The following CDK11A variants were observed in gnomAD, a reference collection of about 807,000 sequenced individuals.
CDK11A encodes the protein cyclin-dependent kinase 11A.
CDK11A carries 55 observed loss-of-function variants against 83.6 expected under a neutral mutation model. That is an observed-to-expected ratio of 0.66 (90% CI 0.53 to 0.82). The LOEUF (loss-of-function observed/expected upper bound fraction) is 0.82. CDK11A is among the 40% of genes least tolerant of loss of function. CDK11A has a pLI of 0.00. For missense variants in CDK11A, 564 were observed against 810.1 expected (o/e 0.70, Z 3.69); for synonymous variants, 247 against 302.7 (o/e 0.82, Z 1.91).
intron 5 of CDK11A, among the ~76,000 whole-genome samples, chr1:1,713,308 C>G (rs574009986): frequency 2.1e-5 from 1 of 48,624 alleles, no homozygotes; most frequent in African/African-American, 3.8e-5. Flanking sequence ...CTCTAGCAGA[C>G]AGCATACAGT....
Position 1,719,453 on chromosome 1 carries a change from C to A in CDK11A, c.230G>T (p.Gly77Val), listed in dbSNP as rs747870830. Residue 77 changes from glycine (G) to valine (V), a missense_variant and splice_region_variant, in exon 4 of 20, where the codon GGA becomes GTA. By Grantham distance (109) the Gly-to-Val change is moderately radical (BLOSUM62 -3). Transcript: ENST00000404249. Reference sequence around the variant, plus strand: ...GATGGCCAAAGAATCATCTTCTTCTCCTCTGAAATAAAACACAACAGCACT... The same window carrying A: ...GATGGCCAAAGAATCATCTTCTTCTACTCTGAAATAAAACACAACAGCACT... ...YRREDSMEDR[G>V]EEDDSLAIKP... 3 of 1,495,650 alleles carry A rather than the reference C, an allele frequency of 2.0e-6. No homozygotes were observed. The highest frequency in any genetic ancestry group is 2.8e-5 in the South Asian group (2 of 72,028). The allele number at this position is 1,495,650 out of a possible 1,614,324, so 92.6% of individuals were successfully genotyped here. A position where few individuals can be genotyped will look rare whatever the true frequency, so the allele number is the denominator to read the frequency against.
rs749896902 is a variant in CDK11A, at chr1:1,707,568, G to A, written c.1086C>T (p.Phe362=). ...NHLLVVPESR[F]DRDSGESEEA... ...CTTCACTCTCCCCGGAATCTCGGTC[G>A]AACCGTGACTCTGGAACTGGAAAAG... The change falls in exon 11 of 20, where the codon TTC becomes TTT. Residue 362 remains phenylalanine, a synonymous_variant. Transcript: ENST00000404249. The A allele has an allele frequency of 4.0e-5, 63 of 1,578,338 alleles. 2 individuals are homozygous for A. Among genetic ancestry groups the A allele is most frequent in the African/African-American group, 4.5e-5 (3 of 67,076 alleles).
intron 2 of CDK11A, chr1:1,722,457 T>A: frequency 1.4e-6 from 1 of 696,212 alleles, no homozygotes; most frequent in Non-Finnish European, 2.4e-6. Flanking sequence ...CGAGAAAAAT[T>A]AGTCCAGTTT....
chr1:1,703,685 C>T, intron 17 of CDK11A, 61 bp from the exon 18 acceptor site: 3 of 1,544,484 alleles, frequency 1.9e-6, no homozygotes, highest in South Asian at 1.2e-5. Context: ...GCACCTGTGT[C>T]CCGTCAGAGA....
chr1:1,718,759 C>CCCGAG (rs1470148510), intron 4 of CDK11A, among the ~76,000 whole-genome samples: 1 of 150,382 alleles, frequency 6.6e-6, no homozygotes, highest in African/African-American at 2.4e-5. Flanking sequence ...GCCTCAGCCT[C>CCCGAG]CAGAGCAGCT....
chr1:1,724,312 C>G lies in CDK11A; in HGVS notation c.-68G>C, dbSNP rs1329298818. ...CTGAGAAGAAACAGCAACCGGCGCT[C>G]GCCAGAAGTATCCTCACTTCCTGTG... On this transcript the variant is annotated 5_prime_UTR_variant, in exon 1 of 20. Transcript: ENST00000404249. 1 of 151,596 alleles carries G rather than the reference C, an allele frequency of 6.6e-6. No homozygotes were observed. The highest frequency in any genetic ancestry group is 2.4e-5 in the African/African-American group (1 of 41,266). The allele number at this position is 151,596 out of a possible 1,614,324, so 9.4% of individuals were successfully genotyped here.
chr1:1,706,211 T>C lies in CDK11A; in HGVS notation c.1246-479A>G, dbSNP rs1644304195. Among the ~76,000 whole-genome samples the C allele has an allele frequency of 2.7e-5, 4 of 149,878 alleles. No individual in the cohort carries two copies. The Admixed American group carries it at 2.7e-4, about 10-fold the overall frequency. ...CCTCAGCCTCCCTAGTAGCTGGGAG[T>C]ATAGGTACGCACCACCACGCCAGGC... On this transcript the variant is annotated intron_variant, in intron 11 of 19. Coordinates refer to ENST00000404249, the MANE Select transcript of CDK11A (RefSeq NM_024011.4).
At chr1:1,721,563 A>C (rs1384872433) in intron 3 of CDK11A, 33 bp downstream of exon 3, 1 of 1,595,288 alleles carries the variant, frequency 6.3e-7, no homozygotes. Flanking sequence ...GGCTGTGTAC[A>C]GTTGGGTCTT....
intron 11 of CDK11A, among the ~76,000 whole-genome samples, chr1:1,706,397 A>T (rs1457758675): frequency 1.3e-5 from 2 of 151,374 alleles, no homozygotes; most frequent in Non-Finnish European, 3.0e-5. Context: ...CAAAATAAAA[A>T]AATTAGCCAG....
chr1:1,718,152 T>C (rs1644750179), intron 4 of CDK11A, among the ~76,000 whole-genome samples: 1 of 146,330 alleles, frequency 6.8e-6, no homozygotes, highest in Non-Finnish European at 1.5e-5. Flanking sequence ...CAGCTAGAGT[T>C]TGCTCTCTCT....
chr1:1,723,267 G>T (rs1217609016), intron 1 of CDK11A, among the ~76,000 whole-genome samples: 1 of 79,712 alleles, frequency 1.3e-5, no homozygotes, highest in Non-Finnish European at 2.8e-5. Context: ...TAAGCTCTAG[G>T]CTGAGGCGGG....
intron 3 of CDK11A, among the ~76,000 whole-genome samples, chr1:1,720,776 T>G (rs977060408): frequency 3.3e-5 from 5 of 149,598 alleles, no homozygotes; most frequent in Non-Finnish European, 7.4e-5. Flanking sequence ...ACTGCAACCT[T>G]TGCCTCCCAC....
rs780311649 is a variant in CDK11A at position 1,704,896 on chromosome 1, A to G, written c.1458+8T>C. 13 of 1,604,748 alleles carry G rather than the reference A, an allele frequency of 8.1e-6. No homozygotes were observed. In the East Asian group the frequency reaches 9.0e-5, roughly 11 times the overall value. Reference sequence around the variant, plus strand: ...ACCCGGGGCCAGGCGTGGTGGGGCCATGCTCACTCTAACGGTGACAATGTT... The same window carrying G: ...ACCCGGGGCCAGGCGTGGTGGGGCCGTGCTCACTCTAACGGTGACAATGTT... On this transcript the variant is annotated splice_region_variant and intron_variant, in intron 13 of 19. Coordinates refer to ENST00000404249, the MANE Select transcript of CDK11A (RefSeq NM_024011.4).
In CDK11A at chr1:1,718,628, CTAGAG is replaced by C. The variant is rs199504770; in HGVS notation, c.355+695_355+699del. ...GTCTGTGACGCACGTATGCTTTCAGCTAGAGTATTCTTTTTTTTTTTTTTGAGACG... is the reference window on the plus strand; with the variant it reads ...GTCTGTGACGCACGTATGCTTTCAGCTATTCTTTTTTTTTTTTTTGAGACG... On this transcript the variant is annotated intron_variant, in intron 4 of 19. Transcript: ENST00000404249. 2.9e-3 allele frequency among the ~76,000 whole-genome samples: 397 copies of C among 135,590 alleles called. 15 individuals carry two copies. The highest frequency in any genetic ancestry group is 2.3e-3 in the Non-Finnish European group (147 of 62,818). 89.0% of individuals were successfully genotyped at this position (135,590 alleles called of 152,430 possible).
Position 1,703,854 on chromosome 1 carries a change from C to T in CDK11A, c.1881G>A (p.Ser627=), listed in dbSNP as rs56352816. The T allele has an allele frequency of 1.8e-4, 291 of 1,608,920 alleles. 8 individuals are homozygous for T. In the African/African-American group the frequency reaches 2.3e-3, roughly 13 times the overall value. ...LTQKPLFPGN[S]EIDQINKVFK... is the part of the protein sequence containing the mutation. ...ACACTTTGTTGATCTGATCGATTTC[C>T]GAATTCCCGGGGAACAGAGGCTTCT... Residue 627 remains serine, a synonymous_variant, in exon 17 of 20, where the codon TCG becomes TCA. Coordinates refer to ENST00000404249, the MANE Select transcript of CDK11A (RefSeq NM_024011.4).
chr1:1,717,914 C>T (rs1298292102), intron 4 of CDK11A, among the ~76,000 whole-genome samples: 1 of 150,432 alleles, frequency 6.6e-6, no homozygotes, highest in African/African-American at 2.4e-5. Context: ...CAGTCTGTGA[C>T]ACATGCATGC....
rs111353499 is a variant in CDK11A, at chr1:1,716,054, G to T, written c.488+292C>A. Among the ~76,000 whole-genome samples the T allele has an allele frequency of 1.5e-3, 233 of 150,844 alleles. 6 individuals are homozygous for T. Among genetic ancestry groups the T allele is most frequent in the African/African-American group, 5.4e-3 (224 of 41,112 alleles). On this transcript the variant is annotated intron_variant, in intron 5 of 19. Transcript: ENST00000404249. ...GGATCCAACCACCTCAGCCTCGTAA[G>T]TGCTGGAATTCTAGCGTGAGCCACT...
chr1:1,723,514 A>G (rs2056977), intron 1 of CDK11A, among the ~76,000 whole-genome samples: 22,465 of 42,112 alleles, frequency 0.53, 6,644 homozygotes, highest in Non-Finnish European at 0.61. Context: ...AAAAAAAAAA[A>G]AAAAAAAAAC....
rs557089790 is a variant in CDK11A, at chr1:1,719,593, T to C, written c.228-138A>G. ...CTGAAACATCATTTAAAAAATTACA[T>C]TAATTCTCCAACTTCAGGCATCTTT... On this transcript the variant is annotated intron_variant, in intron 3 of 19. Coordinates refer to ENST00000404249, the MANE Select transcript of CDK11A (RefSeq NM_024011.4). The C allele has an allele frequency of 8.5e-6, 5 of 589,382 alleles. 1 individual carries two copies. The highest frequency in any genetic ancestry group is 8.4e-5 in the South Asian group (2 of 23,672). 36.5% of individuals were successfully genotyped at this position (589,382 alleles called of 1,614,324 possible). A position where few individuals can be genotyped will look rare whatever the true frequency, so the allele number is the denominator to read the frequency against.
Sources: gnomAD v4.1 joint callset for allele counts (sites outside exome capture counted in the v4.1 genomes callset) on GRCh38, gnomAD v4.1.1 for gene constraint, MANE v1.5 for transcripts, NCBI Gene and HGNC (gene_info 2026-07-23, HGNC 2026-07-21) for gene names.